Variants in XIRP2 observed in about 807,000 individuals in gnomAD.
XIRP2 encodes xin actin binding repeat containing 2.
XIRP2 carries 236 observed loss-of-function variants against 277.0 expected under a neutral mutation model. The ratio of observed to expected loss-of-function variants is 0.85; its 90% CI spans 0.77 to 0.95. The LOEUF (loss-of-function observed/expected upper bound fraction) is 0.95. XIRP2 is among the 40% of genes least tolerant of loss of function. The pLI, the probability that XIRP2 is intolerant of heterozygous loss-of-function variation, is 0.00. For missense variants in XIRP2, 4,640 were observed against 4,157.5 expected, an observed-to-expected ratio of 1.12 and a Z score of -3.19; for synonymous variants, 1,490 against 1,416.5, an observed-to-expected ratio of 1.05 and a Z score of -1.17.
intron 2 of XIRP2, among the ~76,000 whole-genome samples, chr2:167,058,470 T>C (rs1170022575): frequency 6.6e-6 from 1 of 152,142 alleles, no homozygotes; most frequent in Non-Finnish European, 1.5e-5. Context: ...TTTCTTATGA[T>C]TTTGTGATTT....
chr2:166,998,188 A>G (rs1284670303), intron 2 of XIRP2, among the ~76,000 whole-genome samples: 2 of 152,216 alleles, frequency 1.3e-5, no homozygotes, highest in Non-Finnish European at 2.9e-5. Flanking sequence ...GAACATACGC[A>G]TGCAAATCAC....
intron 3 of XIRP2, among the ~76,000 whole-genome samples, chr2:167,154,674 C>T (rs1297343711): frequency 6.6e-6 from 1 of 151,990 alleles, no homozygotes; most frequent in Non-Finnish European, 1.5e-5. Context: ...CCTAACATCA[C>T]AATTAAAAGA....
In XIRP2 at chr2:167,211,043, T is replaced by C. The variant is rs1371568179; in HGVS notation, c.723+148T>C. 1.1e-5 allele frequency: 11 copies of C among 987,164 alleles called. No homozygotes were observed. The East Asian group carries it at 2.9e-4, about 26-fold the overall frequency. 61.2% of individuals were successfully genotyped at this position (987,164 alleles called of 1,614,324 possible). ...TAGTGTGTGAAATAAATCCAGACTA[T>C]CTGAATTTAAGTTTCAACTGTGCTA... On this transcript the variant is annotated intron_variant, in intron 4 of 10. Transcript: ENST00000409195.
chr2:167,086,079 A>G (rs1266348514), intron 2 of XIRP2, among the ~76,000 whole-genome samples: 3 of 151,892 alleles, frequency 2.0e-5, no homozygotes, highest in Non-Finnish European at 4.4e-5. Context: ...AGCAGCTGGT[A>G]CCGGTTGTTC....
chr2:167,087,912 C>T (rs1690012840), intron 2 of XIRP2, among the ~76,000 whole-genome samples: 1 of 152,182 alleles, frequency 6.6e-6, no homozygotes, highest in African/African-American at 2.4e-5. Context: ...CTGCGTCGCT[C>T]ACGCTGGGAG....
At chr2:167,183,764 C>T (rs993667688) in intron 3 of XIRP2, among the ~76,000 whole-genome samples, 1 of 150,970 alleles carries the variant, frequency 6.6e-6, no homozygotes, top group African/African-American at 2.4e-5. Context: ...TTTTTAGTAT[C>T]AATGACAATA....
chr2:166,962,887 A>T (rs1229330089), intron 2 of XIRP2, among the ~76,000 whole-genome samples: 1 of 151,756 alleles, frequency 6.6e-6, no homozygotes, highest in Non-Finnish European at 1.5e-5. Context: ...CTTACATTTT[A>T]GTGCCCTAAT....
intron 2 of XIRP2, among the ~76,000 whole-genome samples, chr2:166,919,112 C>T (rs1445158638): frequency 1.3e-5 from 2 of 152,100 alleles, no homozygotes; most frequent in African/African-American, 2.4e-5. Flanking sequence ...AGGCACCTAA[C>T]CATGCCCTTG....
intron 2 of XIRP2, among the ~76,000 whole-genome samples, chr2:167,027,467 C>T (rs760231843): frequency 4.6e-5 from 7 of 152,154 alleles, no homozygotes; most frequent in East Asian, 1.9e-4. Flanking sequence ...TCCTGTAGCT[C>T]GGAGTAGTTT....
At chr2:166,927,350 C>T (rs943315170) in intron 2 of XIRP2, among the ~76,000 whole-genome samples, 12 of 152,100 alleles carry the variant, frequency 7.9e-5, no homozygotes, top group East Asian at 1.9e-4. Context: ...TATTATCTTA[C>T]GCTTCCTGGA....
chr2:167,026,173 C>G (rs1374742934), intron 2 of XIRP2, among the ~76,000 whole-genome samples: 2 of 152,096 alleles, frequency 1.3e-5, no homozygotes, highest in African/African-American at 4.8e-5. Flanking sequence ...GGATAGTTAG[C>G]TCTTGTTGTT....
chr2:167,121,043 A>C (rs1691042656), intron 2 of XIRP2, among the ~76,000 whole-genome samples: 1 of 152,186 alleles, frequency 6.6e-6, no homozygotes, highest in Non-Finnish European at 1.5e-5. Flanking sequence ...ACAGATGAAG[A>C]AATGGAAGCC....
chr2:166,948,868 T>A lies in XIRP2; in HGVS notation c.408+44978T>A, dbSNP rs560805980. On this transcript the variant is annotated intron_variant, in intron 2 of 10. Coordinates refer to ENST00000409195, the MANE Select transcript of XIRP2 (RefSeq NM_152381.6). ...GAAAAACACGGTTTTGTACAGTTGG[T>A]CAGAAAAGAAATACCAAAAGAAGAC... is the stretch of plus-strand genomic sequence containing the variant. Among the ~76,000 whole-genome samples, 4 of 152,160 alleles carry A rather than the reference T, an allele frequency of 2.6e-5. No homozygotes were observed. In the East Asian group the frequency reaches 7.7e-4, roughly 29 times the overall value.
Position 167,245,204 on chromosome 2 carries a change from A to T in XIRP2, c.3812A>T (p.Asp1271Val). Residue 1271 changes from aspartate to valine, a missense_variant, in exon 9 of 11, where the codon GAT becomes GTT. Coordinates refer to ENST00000409195, the MANE Select transcript of XIRP2 (RefSeq NM_152381.6). ...VKTVTDIQGG[D>V]VRKGCFIFET... ...ACGGTGACAGACATACAAGGTGGGG[A>T]TGTAAGAAAGGGGTGCTTTATTTTT... The T allele has an allele frequency of 6.2e-7, 1 of 1,613,786 alleles. No homozygotes were observed. The highest frequency in any genetic ancestry group is 8.5e-7 in the Non-Finnish European group (1 of 1,179,760).
Sources: allele counts gnomAD v4.1 joint callset (sites outside exome capture counted in the v4.1 genomes callset), GRCh38; gene constraint gnomAD v4.1.1; transcripts MANE v1.5; gene names NCBI Gene and HGNC (gene_info 2026-07-23, HGNC 2026-07-21).